Variants in NLGN4Y observed in about 807,000 individuals in gnomAD.
NLGN4Y encodes neuroligin-4, Y-linked.
A neutral mutation model predicts 8.4 loss-of-function variants in NLGN4Y; 4 were observed. That is an observed-to-expected ratio of 0.48 (90% CI 0.23 to 1.09). The LOEUF is 1.09. Ranked by LOEUF, NLGN4Y falls within the 50% of genes least tolerant of loss-of-function variation. The pLI, the probability that NLGN4Y is intolerant of heterozygous loss-of-function variation, is 0.19. For missense variants in NLGN4Y, 90 were observed against 192.3 expected (o/e 0.47, Z 3.15); for synonymous variants, 35 against 75.6 (o/e 0.46, Z 2.78).
chrY:14,702,279 G>GCA (rs2080851933), intron 2 of NLGN4Y, among the ~76,000 whole-genome samples: 3 of 32,309 alleles, frequency 9.3e-5, no homozygotes, highest in Non-Finnish European at 2.3e-4. Context: ...TTCATTTAAT[G>GCA]TTAGGTATAT....
intron 1 of NLGN4Y, among the ~76,000 whole-genome samples, chrY:14,590,024 C>T (rs2080361642): frequency 2.9e-5 from 1 of 34,530 alleles, no homozygotes; most frequent in African/African-American, 1.1e-4. Context: ...GCCACTGGCC[C>T]GAGTGCTAAG....
At chrY:14,778,726 T>A in intron 4 of NLGN4Y, among the ~76,000 whole-genome samples, 2 of 33,862 alleles carry the variant, frequency 5.9e-5, no homozygotes, top group African/African-American at 2.3e-4. Flanking sequence ...GATGTATATA[T>A]GTATGCAGTG....
chrY:14,772,057 T>G, intron 4 of NLGN4Y, among the ~76,000 whole-genome samples: 1 of 33,194 alleles, frequency 3.0e-5, no homozygotes, highest in East Asian at 8.0e-4. Flanking sequence ...AAGAAATAGC[T>G]AAGATCACGG....
At chrY:14,582,632 A>G (rs2080322910) in intron 1 of NLGN4Y, among the ~76,000 whole-genome samples, 1 of 33,436 alleles carries the variant, frequency 3.0e-5, no homozygotes, top group Non-Finnish European at 7.4e-5. Context: ...ATGATGGCAC[A>G]TGCCTGTAGT....
intron 1 of NLGN4Y, among the ~76,000 whole-genome samples, chrY:14,613,955 T>A: frequency 3.0e-5 from 1 of 33,797 alleles, no homozygotes; most frequent in African/African-American, 1.2e-4. Flanking sequence ...ATATACCTAG[T>A]AATGGGATTG....
intron 2 of NLGN4Y, among the ~76,000 whole-genome samples, chrY:14,696,697 C>T (rs753756528): frequency 1.5e-4 from 5 of 32,432 alleles, no homozygotes; most frequent in South Asian, 7.4e-4. Flanking sequence ...TTTTGTTCTC[C>T]GTGGTTTCAG....
At chrY:14,784,109 TTGTTTTGTGA>T (rs2042952173) in intron 4 of NLGN4Y, among the ~76,000 whole-genome samples, 1 of 34,052 alleles carries the variant, frequency 2.9e-5, no homozygotes, top group Non-Finnish European at 7.3e-5. Context: ...TTCATGCATT[TTGTTTTGTGA>T]CTTGAAAATG....
At chrY:14,612,376 T>C (rs2150503617) in intron 1 of NLGN4Y, among the ~76,000 whole-genome samples, 1 of 33,612 alleles carries the variant, frequency 3.0e-5, no homozygotes, top group Admixed American at 2.7e-4. Context: ...GGGATTCTGG[T>C]TTTTGGAATT....
chrY:14,718,710 T>C, intron 2 of NLGN4Y, among the ~76,000 whole-genome samples: 1 of 33,514 alleles, frequency 3.0e-5, no homozygotes, highest in Non-Finnish European at 7.4e-5. Context: ...ATTCAATAAC[T>C]TTCAAGTAAT....
At chrY:14,576,855 C>A in intron 1 of NLGN4Y, among the ~76,000 whole-genome samples, 1 of 33,285 alleles carries the variant, frequency 3.0e-5, no homozygotes, top group Non-Finnish European at 7.4e-5. Flanking sequence ...CCAGAGACAT[C>A]AGAGAGTGGA....
intron 2 of NLGN4Y, among the ~76,000 whole-genome samples, chrY:14,697,247 A>AGATT: frequency 6.4e-5 from 2 of 31,365 alleles, no homozygotes; most frequent in South Asian, 7.1e-4. Flanking sequence ...ATAGATAGAT[A>AGATT]GATTGATAGA....
intron 2 of NLGN4Y, among the ~76,000 whole-genome samples, chrY:14,686,355 T>A: frequency 3.0e-5 from 1 of 33,030 alleles, no homozygotes; most frequent in Non-Finnish European, 7.5e-5. Context: ...TTTTCTTTCA[T>A]CCTTCATAGT....
At chrY:14,647,658 G>A in intron 2 of NLGN4Y, among the ~76,000 whole-genome samples, 1 of 33,804 alleles carries the variant, frequency 3.0e-5, no homozygotes, top group Non-Finnish European at 7.4e-5. Flanking sequence ...GCATCAAAAA[G>A]AAAGTTCTTT....
chrY:14,699,577 T>G, intron 2 of NLGN4Y, among the ~76,000 whole-genome samples: 1 of 33,510 alleles, frequency 3.0e-5, no homozygotes, highest in Non-Finnish European at 7.4e-5. Context: ...ATTTACTCTT[T>G]TTCATGCTGT....
At chrY:14,679,444 G>A in intron 2 of NLGN4Y, among the ~76,000 whole-genome samples, 1 of 32,926 alleles carries the variant, frequency 3.0e-5, no homozygotes, top group Admixed American at 2.8e-4. Context: ...ATAATGAGAT[G>A]CTGTCTCTAT....
At chrY:14,767,598 C>A in intron 4 of NLGN4Y, among the ~76,000 whole-genome samples, 1 of 33,123 alleles carries the variant, frequency 3.0e-5, no homozygotes, top group African/African-American at 1.2e-4. Flanking sequence ...TGGTTCCTTA[C>A]CCCTACCTAA....
intron 2 of NLGN4Y, chrY:14,640,273 C>A: frequency 7.7e-6 from 1 of 129,038 alleles, no homozygotes; most frequent in Non-Finnish European, 1.6e-5. Context: ...GATGTGAAGC[C>A]TGTGGAGGTG....
chrY:14,769,204 T>A, intron 4 of NLGN4Y, among the ~76,000 whole-genome samples: 1 of 33,605 alleles, frequency 3.0e-5, no homozygotes. Flanking sequence ...AAAAATAAAA[T>A]AAGGCAGAAA....
intron 2 of NLGN4Y, among the ~76,000 whole-genome samples, chrY:14,697,206 C>T (rs1603502793): frequency 4.1e-5 from 1 of 24,229 alleles, no homozygotes; most frequent in Non-Finnish European, 9.5e-5. Context: ...GGTAGGTAGG[C>T]AGATAGATAG....
Sources: gnomAD v4.1 joint callset for allele counts (sites outside exome capture counted in the v4.1 genomes callset) on GRCh38, gnomAD v4.1.1 for gene constraint, MANE v1.5 for transcripts, NCBI Gene and HGNC (gene_info 2026-07-23, HGNC 2026-07-21) for gene names.